Variants in CDK17 observed in about 807,000 individuals in gnomAD.
The protein encoded by CDK17 is cyclin dependent kinase 17.
Under a neutral mutation model 77.6 loss-of-function variants are expected in CDK17, and 24 were observed. The ratio of observed to expected loss-of-function variants is 0.31; its 90% confidence interval spans 0.22 to 0.44. CDK17 has a LOEUF of 0.44. Ranked by LOEUF, CDK17 falls within the 20% of genes least tolerant of loss-of-function variation. The pLI is 1.00. For synonymous variants in CDK17, 203 were observed against 210.4 expected (o/e 0.96, Z 0.30); for missense variants, 429 against 622.5 (o/e 0.69, Z 3.31).
chr12:96,363,560 T>C (rs954709599), intron 1 of CDK17, among the ~76,000 whole-genome samples: 1 of 150,214 alleles, frequency 6.7e-6, no homozygotes, highest in Non-Finnish European at 1.5e-5. Flanking sequence ...AAAATAAATA[T>C]TGTTGGGCCA....
At chr12:96,356,518 A>G (rs1953397254) in intron 1 of CDK17, among the ~76,000 whole-genome samples, 1 of 152,026 alleles carries the variant, frequency 6.6e-6, no homozygotes, top group Admixed American at 6.6e-5. Flanking sequence ...CAATCCTCCC[A>G]CCTGGGCCTC....
At chr12:96,395,154 G>T (rs555412130) in intron 1 of CDK17, among the ~76,000 whole-genome samples, 73 of 152,288 alleles carry the variant, frequency 4.8e-4, no homozygotes, top group Middle Eastern at 3.4e-3. Context: ...GATTACAGGC[G>T]TGAGCCACCA....
chr12:96,346,614 G>A (rs1001053380), intron 1 of CDK17, among the ~76,000 whole-genome samples: 15 of 143,440 alleles, frequency 1.0e-4, no homozygotes, highest in South Asian at 2.3e-4. Context: ...GGCAACAAGA[G>A]CAAAACTCCA....
intron 3 of CDK17, among the ~76,000 whole-genome samples, chr12:96,315,195 TTAA>T (rs1458501379): frequency 1.3e-5 from 2 of 152,238 alleles, no homozygotes; most frequent in Non-Finnish European, 2.9e-5. Flanking sequence ...ATGTTAACTT[TTAA>T]TAATATTTAC....
rs781508789 is a variant in CDK17, at chr12:96,376,782, G to T, written c.-30+23204C>A. On this transcript the variant is annotated intron_variant, in intron 1 of 16. Coordinates refer to ENST00000261211, the MANE Select transcript of CDK17 (RefSeq NM_002595.5). ...AATCAGAGGACCATAAAACCAGTAGGAGTTCTAAGGAAGATGAGAAACAGA... is the reference window on the plus strand; with the variant it reads ...AATCAGAGGACCATAAAACCAGTAGTAGTTCTAAGGAAGATGAGAAACAGA... Among the ~76,000 whole-genome samples, 4 of 152,202 alleles carry T rather than the reference G, an allele frequency of 2.6e-5. No homozygotes were observed. In the South Asian group the frequency reaches 8.3e-4, roughly 32 times the overall value.
chr12:96,394,253 A>C (rs1954128440), intron 1 of CDK17, among the ~76,000 whole-genome samples: 1 of 152,142 alleles, frequency 6.6e-6, no homozygotes. Context: ...CTCAAAAAAA[A>C]AAAAAATTTC....
At chr12:96,331,321 T>C (rs941773191) in intron 2 of CDK17, among the ~76,000 whole-genome samples, 9 of 152,206 alleles carry the variant, frequency 5.9e-5, no homozygotes, top group African/African-American at 1.9e-4. Flanking sequence ...CTCAAAATTC[T>C]TTTTCTTCCA....
At chr12:96,326,938 G>C (rs1227160842) in intron 2 of CDK17, among the ~76,000 whole-genome samples, 1 of 152,228 alleles carries the variant, frequency 6.6e-6, no homozygotes, top group Non-Finnish European at 1.5e-5. Flanking sequence ...TTTGAAGCAG[G>C]AGAGTGATAT....
chr12:96,298,805 C>T (rs1246956164), intron 7 of CDK17, 64 bp downstream of exon 7: 3 of 881,498 alleles, frequency 3.4e-6, no homozygotes, highest in Non-Finnish European at 5.2e-6. Flanking sequence ...GCTCTTTTTA[C>T]TTATAAAAAA....
intron 10 of CDK17, among the ~76,000 whole-genome samples, chr12:96,291,720 G>A (rs1952327461): frequency 6.8e-6 from 1 of 146,538 alleles, no homozygotes; most frequent in Non-Finnish European, 1.5e-5. Flanking sequence ...CCGGGTTCAA[G>A]CAATTCTCCT....
At chr12:96,355,129 C>A (rs572638699) in intron 1 of CDK17, among the ~76,000 whole-genome samples, 105 of 152,238 alleles carry the variant, frequency 6.9e-4, no homozygotes, top group African/African-American at 2.3e-3. Context: ...CTGCCCATCT[C>A]CTTTTTAACC....
chr12:96,344,291 C>A (rs7134589), intron 1 of CDK17, among the ~76,000 whole-genome samples: 1 of 151,864 alleles, frequency 6.6e-6, no homozygotes, highest in African/African-American at 2.4e-5. Context: ...GAAGAAATAA[C>A]GGTGAAAAGC....
At chr12:96,303,188 C>G (rs1952531512) in intron 5 of CDK17, 1 of 152,076 alleles carries the variant, frequency 6.6e-6, no homozygotes, top group African/African-American at 2.4e-5. Context: ...CTCATTTATT[C>G]AACATTTACC....
intron 15 of CDK17, among the ~76,000 whole-genome samples, chr12:96,281,493 T>C (rs1045634349): frequency 1.3e-5 from 2 of 152,302 alleles, no homozygotes; most frequent in Admixed American, 6.5e-5. Context: ...CTCAGTCTCC[T>C]GAGTAGCTGG....
At chr12:96,322,964 T>C (rs1030711739) in intron 3 of CDK17, among the ~76,000 whole-genome samples, 1 of 151,844 alleles carries the variant, frequency 6.6e-6, no homozygotes, top group African/African-American at 2.4e-5. Context: ...ACAGAAAAAA[T>C]CTCACTGTAG....
At chr12:96,346,429 G>A (rs918498359) in intron 1 of CDK17, among the ~76,000 whole-genome samples, 8 of 149,208 alleles carry the variant, frequency 5.4e-5, no homozygotes, top group African/African-American at 1.2e-4. Flanking sequence ...TCCAGCCTGG[G>A]TGACAGAGTG....
intron 1 of CDK17, among the ~76,000 whole-genome samples, chr12:96,348,775 G>C (rs1036460455): frequency 1.3e-5 from 2 of 152,032 alleles, no homozygotes; most frequent in Admixed American, 1.3e-4. Flanking sequence ...CAAGAAGAAA[G>C]AGACAACCAA....
At chr12:96,327,842 T>C (rs529368978) in intron 2 of CDK17, among the ~76,000 whole-genome samples, 44 of 152,228 alleles carry the variant, frequency 2.9e-4, no homozygotes, top group African/African-American at 1.0e-3. Context: ...CCACCATGCC[T>C]AGCCCCAAAA....
intron 1 of CDK17, among the ~76,000 whole-genome samples, chr12:96,357,017 T>G (rs995626764): frequency 1.3e-5 from 2 of 152,200 alleles, no homozygotes; most frequent in Non-Finnish European, 2.9e-5. Context: ...TTCAGAGAAT[T>G]CAGATAGTGA....
Sources: allele counts gnomAD v4.1 joint callset (sites outside exome capture counted in the v4.1 genomes callset), GRCh38; gene constraint gnomAD v4.1.1; transcripts MANE v1.5; gene names NCBI Gene and HGNC (gene_info 2026-07-23, HGNC 2026-07-21).